GPC5: variants seen among roughly 807,000 people sequenced by gnomAD.
The protein encoded by GPC5 is glypican 5.
Under a neutral mutation model 53.9 loss-of-function variants are expected in GPC5, and 47 were observed. The observed-to-expected ratio is 0.87, with a 90% CI of 0.69 to 1.11. GPC5 has a LOEUF of 1.11. Ranked by LOEUF, GPC5 falls within the 50% of genes most tolerant of loss-of-function variation. GPC5 has a pLI of 0.00. For missense variants in GPC5, 748 were observed against 713.1 expected (o/e 1.05, Z -0.56); for synonymous variants, 286 against 263.3 (o/e 1.09, Z -0.84).
intron 6 of GPC5, among the ~76,000 whole-genome samples, chr13:92,048,812 T>A (rs9560906): frequency 0.44 from 67,134 of 152,028 alleles, 15,164 homozygotes; most frequent in Admixed American, 0.52. Flanking sequence ...TTTCATGAAG[T>A]TGACCAATGG....
intron 6 of GPC5, among the ~76,000 whole-genome samples, chr13:92,030,356 T>C (rs1349066017): frequency 6.6e-6 from 1 of 152,138 alleles, no homozygotes; most frequent in Non-Finnish European, 1.5e-5. Context: ...TCCACCATCC[T>C]TTCCTCTTCT....
chr13:92,140,416 A>G (rs536376916), intron 6 of GPC5, among the ~76,000 whole-genome samples: 7 of 152,118 alleles, frequency 4.6e-5, no homozygotes, highest in Non-Finnish European at 7.4e-5. Flanking sequence ...TCAGTGAGGG[A>G]AGAGGGGTAA....
intron 7 of GPC5, among the ~76,000 whole-genome samples, chr13:92,490,992 A>G (rs1213921663): frequency 1.3e-5 from 2 of 152,126 alleles, no homozygotes; most frequent in Non-Finnish European, 2.9e-5. Context: ...GAACAAAGAC[A>G]GATACCTATG....
chr13:92,465,731 T>C (rs2139415622), intron 7 of GPC5, among the ~76,000 whole-genome samples: 1 of 152,140 alleles, frequency 6.6e-6, no homozygotes, highest in Admixed American at 6.6e-5. Flanking sequence ...GAACAACAGC[T>C]GAATAAAATC....
chr13:91,847,549 A>G (rs2038866009), intron 5 of GPC5, among the ~76,000 whole-genome samples: 2 of 152,170 alleles, frequency 1.3e-5, no homozygotes, highest in African/African-American at 2.4e-5. Flanking sequence ...TTCCTTTTCC[A>G]CAAGACTTGA....
rs141061573 is a variant in GPC5 at position 92,698,558 on chromosome 13, G to T, written c.1562-167724G>T. On this transcript the variant is annotated intron_variant, in intron 7 of 7. Coordinates refer to ENST00000377067, the MANE Select transcript of GPC5 (RefSeq NM_004466.6). ...ATATGTGCCACATTTTCTTAATCCA[G>T]TCTATCATTTTGAACATTCGGGTTG... Among the ~76,000 whole-genome samples, 1,332 of 152,256 alleles carry T rather than the reference G, an allele frequency of 8.7e-3. 20 individuals carry two copies. Among genetic ancestry groups the T allele is most frequent in the African/African-American group, 0.03 (1,265 of 41,554 alleles).
chr13:92,405,898 T>G (rs1875775567), intron 7 of GPC5, among the ~76,000 whole-genome samples: 2 of 152,194 alleles, frequency 1.3e-5, no homozygotes, highest in Admixed American at 1.3e-4. Flanking sequence ...TTGACCTACT[T>G]CCCTTATTCT....
At chr13:91,775,528 C>T (rs962646427) in intron 5 of GPC5, among the ~76,000 whole-genome samples, 2 of 152,184 alleles carry the variant, frequency 1.3e-5, no homozygotes, top group African/African-American at 4.8e-5. Flanking sequence ...CTCTATATTT[C>T]TCTTTTTTCC....
chr13:91,714,379 A>G (rs2036289871), intron 3 of GPC5, among the ~76,000 whole-genome samples: 4 of 152,216 alleles, frequency 2.6e-5, no homozygotes. Flanking sequence ...TCACACACAC[A>G]CACCGTGGAA....
chr13:91,660,186 G>A lies in GPC5; in HGVS notation c.326-33001G>A, dbSNP rs140364403. Among the ~76,000 whole-genome samples, 17 of 152,316 alleles carry A rather than the reference G, an allele frequency of 1.1e-4. No individual in the cohort carries two copies. The East Asian group carries it at 3.3e-3, about 29-fold the overall frequency. The stretch of plus-strand genomic sequence containing the variant: ...TTGGAGGTTATCAGTTATTGATTAA[G>A]TTTTGGCCATTTGGGGCTGATTGCT... On this transcript the variant is annotated intron_variant, in intron 2 of 7. Transcript: ENST00000377067.
intron 6 of GPC5, among the ~76,000 whole-genome samples, chr13:91,956,316 A>G (rs1315116103): frequency 3.9e-5 from 6 of 152,108 alleles, no homozygotes; most frequent in African/African-American, 1.4e-4. Flanking sequence ...ACCCACCAGC[A>G]TGCATTACTT....
chr13:91,591,180 G>A (rs747749179), intron 2 of GPC5, among the ~76,000 whole-genome samples: 1 of 152,140 alleles, frequency 6.6e-6, no homozygotes, highest in Non-Finnish European at 1.5e-5. Context: ...CATCTAAGTA[G>A]AAAAATAGCT....
intron 2 of GPC5, among the ~76,000 whole-genome samples, chr13:91,458,306 A>G (rs74106768): frequency 0.011 from 1,745 of 152,222 alleles, 35 homozygotes; most frequent in African/African-American, 0.041. Flanking sequence ...CCTGTTAGGC[A>G]TTTATTCTGA....
intron 3 of GPC5, among the ~76,000 whole-genome samples, chr13:91,722,372 CTTG>C (rs1198963177): frequency 6.6e-6 from 1 of 152,202 alleles, no homozygotes; most frequent in Admixed American, 6.5e-5. Flanking sequence ...TATCTAAGCA[CTTG>C]TCACTTGGGC....
intron 7 of GPC5, among the ~76,000 whole-genome samples, chr13:92,388,005 T>C (rs1874817286): frequency 6.6e-6 from 1 of 152,136 alleles, no homozygotes; most frequent in Admixed American, 6.6e-5. Flanking sequence ...AAATTTTTCA[T>C]ACTTATTGAT....
chr13:92,540,113 G>A (rs1316717527), intron 7 of GPC5, among the ~76,000 whole-genome samples: 1 of 151,704 alleles, frequency 6.6e-6, no homozygotes, highest in African/African-American at 2.4e-5. Context: ...CATTTGATTT[G>A]CAAAATAACA....
intron 7 of GPC5, among the ~76,000 whole-genome samples, chr13:92,394,980 C>G (rs543944298): frequency 6.6e-6 from 1 of 152,156 alleles, no homozygotes; most frequent in African/African-American, 2.4e-5. Context: ...AAATTTTTAA[C>G]CTATTTAATT....
chr13:91,911,192 G>C (rs1413885961), intron 6 of GPC5, among the ~76,000 whole-genome samples: 2 of 152,136 alleles, frequency 1.3e-5, no homozygotes, highest in Non-Finnish European at 2.9e-5. Context: ...GAGTCCAGTA[G>C]GCTCTGGTAA....
At chr13:91,927,228 T>C (rs1185925808) in intron 6 of GPC5, among the ~76,000 whole-genome samples, 1 of 152,218 alleles carries the variant, frequency 6.6e-6, no homozygotes, top group African/African-American at 2.4e-5. Flanking sequence ...ATTCTAATTA[T>C]TTTTGTTAAG....
Sources: gnomAD v4.1 joint callset for allele counts (sites outside exome capture counted in the v4.1 genomes callset) on GRCh38, gnomAD v4.1.1 for gene constraint, MANE v1.5 for transcripts, NCBI Gene and HGNC (gene_info 2026-07-23, HGNC 2026-07-21) for gene names.